Variants in CTNNA3 observed in about 807,000 individuals in gnomAD.
The protein encoded by CTNNA3 is catenin alpha-3.
A neutral mutation model predicts 95.7 loss-of-function variants in CTNNA3; 76 were observed. The observed-to-expected ratio is 0.79, with a 90% CI of 0.66 to 0.96. The LOEUF is 0.96. Ranked by LOEUF, CTNNA3 falls within the 40% of genes least tolerant of loss-of-function variation. The probability of loss-of-function intolerance (pLI) is 0.00; values close to 1 mark genes in which losing one functional copy is unlikely to be tolerated. For missense variants in CTNNA3, 1,191 were observed against 1,089.8 expected, an observed-to-expected ratio of 1.09 and a Z score of -1.31; for synonymous variants, 431 against 374.4, an observed-to-expected ratio of 1.15 and a Z score of -1.74.
intron 7 of CTNNA3, among the ~76,000 whole-genome samples, chr10:67,109,925 T>C (rs1415512625): frequency 5.9e-5 from 9 of 152,194 alleles, no homozygotes. Flanking sequence ...AAAGTTATCA[T>C]GAATAATGCT....
chr10:66,893,259 A>C (rs192137452), intron 7 of CTNNA3, among the ~76,000 whole-genome samples: 54 of 152,246 alleles, frequency 3.5e-4, no homozygotes, highest in African/African-American at 1.3e-3. Context: ...AAAGCAGCCA[A>C]GATGCCCTAT....
intron 1 of CTNNA3, among the ~76,000 whole-genome samples, chr10:67,684,374 G>A (rs747078040): frequency 1.3e-4 from 20 of 152,142 alleles, no homozygotes; most frequent in Non-Finnish European, 1.8e-4. Context: ...TGATTTGTGC[G>A]TTTTTACAGA....
intron 13 of CTNNA3, among the ~76,000 whole-genome samples, chr10:66,106,469 T>C (rs185093080): frequency 2.4e-4 from 36 of 152,172 alleles, no homozygotes; most frequent in African/African-American, 8.7e-4. Context: ...AATGCAGACC[T>C]GAATTTGAGT....
At chr10:67,232,296 G>C (rs1171759453) in intron 5 of CTNNA3, among the ~76,000 whole-genome samples, 1 of 152,176 alleles carries the variant, frequency 6.6e-6, no homozygotes, top group Non-Finnish European at 1.5e-5. Context: ...AAGCCCATCA[G>C]ACTAACAGCG....
chr10:66,720,762 G>C (rs1848603070), intron 9 of CTNNA3, among the ~76,000 whole-genome samples: 2 of 152,094 alleles, frequency 1.3e-5, no homozygotes, highest in African/African-American at 4.8e-5. Flanking sequence ...TGAACTCGGA[G>C]GCAGAGGTTG....
At chr10:66,737,628 T>C (rs1849187253) in intron 9 of CTNNA3, among the ~76,000 whole-genome samples, 1 of 152,124 alleles carries the variant, frequency 6.6e-6, no homozygotes, top group Admixed American at 6.6e-5. Context: ...TAGCATTTAT[T>C]ATGGTGCAAA....
chr10:66,907,492 G>A (rs1044207338), intron 7 of CTNNA3, among the ~76,000 whole-genome samples: 2 of 152,042 alleles, frequency 1.3e-5, no homozygotes, highest in Admixed American at 6.6e-5. Flanking sequence ...TGTATTGAAA[G>A]GGTTGATATC....
chr10:66,205,769 T>C (rs988072845), intron 13 of CTNNA3, among the ~76,000 whole-genome samples: 2 of 152,006 alleles, frequency 1.3e-5, no homozygotes, highest in African/African-American at 4.8e-5. Flanking sequence ...TATAATAATA[T>C]AAAATGATCC....
chr10:67,403,451 T>C (rs1845003784), intron 5 of CTNNA3: 1 of 152,450 alleles, frequency 6.6e-6, no homozygotes, highest in Non-Finnish European at 1.5e-5. Context: ...GTGGCCAGAC[T>C]GCTTCTTTAA....
intron 5 of CTNNA3, among the ~76,000 whole-genome samples, chr10:67,434,692 C>G (rs1846238092): frequency 6.6e-6 from 1 of 151,886 alleles, no homozygotes; most frequent in South Asian, 2.1e-4. Flanking sequence ...CACACCAAAA[C>G]CCAAGCGACA....
intron 7 of CTNNA3, among the ~76,000 whole-genome samples, chr10:67,047,585 A>G (rs533109736): frequency 4.2e-4 from 64 of 152,242 alleles, no homozygotes; most frequent in African/African-American, 1.5e-3. Flanking sequence ...CTTTACCTTC[A>G]TCGTTTCAGG....
intron 1 of CTNNA3, among the ~76,000 whole-genome samples, chr10:67,658,929 TTGA>T (rs925628432): frequency 3.3e-5 from 5 of 152,206 alleles, no homozygotes; most frequent in African/African-American, 9.6e-5. Context: ...AGCCATCTTA[TTGA>T]TGTTTTTGAA....
intron 13 of CTNNA3, among the ~76,000 whole-genome samples, chr10:66,159,143 C>T (rs1739004957): frequency 6.6e-6 from 1 of 151,888 alleles, no homozygotes; most frequent in South Asian, 2.1e-4. Context: ...ATTTGGATGC[C>T]ATTTATTTCT....
chr10:65,987,572 T>G (rs1225834807), intron 16 of CTNNA3, among the ~76,000 whole-genome samples: 2 of 152,116 alleles, frequency 1.3e-5, no homozygotes, highest in East Asian at 3.8e-4. Context: ...ACCCTGTTGG[T>G]AGGAATGTAA....
intron 16 of CTNNA3, among the ~76,000 whole-genome samples, chr10:65,985,483 C>G (rs1340173684): frequency 6.6e-6 from 1 of 151,160 alleles, no homozygotes; most frequent in African/African-American, 2.4e-5. Context: ...AAAAAGGAAA[C>G]TAAAATGTTT....
chr10:67,257,693 G>C (rs547578440), intron 5 of CTNNA3, among the ~76,000 whole-genome samples: 1 of 151,988 alleles, frequency 6.6e-6, no homozygotes, highest in Non-Finnish European at 1.5e-5. Context: ...TTTGTCTTGC[G>C]TCATTTTTGT....
chr10:66,484,016 A>T (rs1249704167), intron 11 of CTNNA3, among the ~76,000 whole-genome samples: 1 of 152,004 alleles, frequency 6.6e-6, no homozygotes, highest in African/African-American at 2.4e-5. Flanking sequence ...AATGAGAACT[A>T]CCTCTCCAAG....
chr10:66,671,518 T>G (rs1846660451), intron 9 of CTNNA3, among the ~76,000 whole-genome samples: 1 of 152,176 alleles, frequency 6.6e-6, no homozygotes, highest in Admixed American at 6.5e-5. Context: ...CAGAACATAT[T>G]TGAAAGAATG....
chr10:66,220,943 G>A (rs912934921), intron 13 of CTNNA3, among the ~76,000 whole-genome samples: 1 of 152,178 alleles, frequency 6.6e-6, no homozygotes, highest in Non-Finnish European at 1.5e-5. Flanking sequence ...AGAAAACAGG[G>A]ATGTAAAGTT....
Sources: gnomAD v4.1 joint callset for allele counts (sites outside exome capture counted in the v4.1 genomes callset) on GRCh38, gnomAD v4.1.1 for gene constraint, MANE v1.5 for transcripts, NCBI Gene and HGNC (gene_info 2026-07-23, HGNC 2026-07-21) for gene names.